ZC3H12C: variants seen among roughly 807,000 people sequenced by gnomAD.
The protein encoded by ZC3H12C is zinc finger CCCH-type containing 12C.
A neutral mutation model predicts 76.3 loss-of-function variants in ZC3H12C; 20 were observed. The observed-to-expected ratio is 0.26, with a 90% CI of 0.18 to 0.38. ZC3H12C has a LOEUF of 0.38. ZC3H12C is among the 10% of genes least tolerant of loss of function. ZC3H12C has a pLI of 1.00. For synonymous variants in ZC3H12C, 352 were observed against 399.6 expected (o/e 0.88, Z 1.42); for missense variants, 874 against 1,086.5 (o/e 0.80, Z 2.75).
At chr11:110,122,893 T>G (rs968031744) in intron 1 of ZC3H12C, among the ~76,000 whole-genome samples, 6 of 152,182 alleles carry the variant, frequency 3.9e-5, no homozygotes, top group African/African-American at 1.4e-4. Context: ...ATACTACATT[T>G]TTTCATTTCT....
chr11:110,130,784 T>G (rs927259887), intron 1 of ZC3H12C, among the ~76,000 whole-genome samples: 4 of 152,318 alleles, frequency 2.6e-5, no homozygotes, highest in African/African-American at 9.6e-5. Flanking sequence ...GGCCTATTGT[T>G]GCTGCACACC....
chr11:110,145,774 G>A (rs962789737), intron 2 of ZC3H12C, among the ~76,000 whole-genome samples: 2 of 152,068 alleles, frequency 1.3e-5, no homozygotes, highest in African/African-American at 4.8e-5. Context: ...ACCAGCTCAA[G>A]TGCCCTGTCT....
intron 2 of ZC3H12C, among the ~76,000 whole-genome samples, chr11:110,142,976 T>C (rs1247706351): frequency 6.6e-6 from 1 of 152,162 alleles, no homozygotes; most frequent in Non-Finnish European, 1.5e-5. Flanking sequence ...AGTTTTCTGG[T>C]GGTATGTTTA....
chr11:110,136,596 A>G, intron 1 of ZC3H12C, 67 bp from the exon 2 acceptor site: 2 of 1,513,988 alleles, frequency 1.3e-6, no homozygotes, highest in Non-Finnish European at 8.9e-7. Context: ...TTCTCTTCTG[A>G]CTTCTCCATT....
rs545649693 is a variant in ZC3H12C at position 110,101,978 on chromosome 11, G to GA, written c.21+8553dup. 3.6e-3 allele frequency among the ~76,000 whole-genome samples: 553 copies of GA among 151,738 alleles called. 5 individuals carry two copies. Among genetic ancestry groups the GA allele is most frequent in the African/African-American group, 0.012 (515 of 41,350 alleles). Reference sequence around the variant, plus strand: ...GCCCACTGTTGAGACTTACTGCTCAGAAAAAAAGATTCCCTTCAAAATATG... The same window carrying GA: ...GCCCACTGTTGAGACTTACTGCTCAGAAAAAAAAGATTCCCTTCAAAATATG... On this transcript the variant is annotated intron_variant, in intron 1 of 5. Coordinates refer to ENST00000278590, the MANE Select transcript of ZC3H12C (RefSeq NM_033390.2).
At chr11:110,103,269 T>C (rs1386234880) in intron 1 of ZC3H12C, among the ~76,000 whole-genome samples, 1 of 152,250 alleles carries the variant, frequency 6.6e-6, no homozygotes, top group Non-Finnish European at 1.5e-5. Flanking sequence ...TATTTACTTC[T>C]CTTAGTAAAA....
At chr11:110,119,194 G>A (rs1446394343) in intron 1 of ZC3H12C, among the ~76,000 whole-genome samples, 1 of 152,158 alleles carries the variant, frequency 6.6e-6, no homozygotes, top group Admixed American at 6.5e-5. Context: ...GTAAGCCCAA[G>A]TTGATAAGAT....
At chr11:110,103,696 C>G (rs940705966) in intron 1 of ZC3H12C, among the ~76,000 whole-genome samples, 1 of 151,652 alleles carries the variant, frequency 6.6e-6, no homozygotes, top group African/African-American at 2.4e-5. Context: ...AGCTCCGCCT[C>G]TCGGGTTCAT....
intron 1 of ZC3H12C, 33 bp from the exon 2 acceptor site, chr11:110,136,628 CTA>C (rs1565259928): frequency 6.3e-7 from 1 of 1,582,560 alleles, no homozygotes; most frequent in South Asian, 1.2e-5. Flanking sequence ...CTAGCCATAA[CTA>C]TGAAATTCTA....
At chr11:110,154,132 G>T (rs1862328640) in intron 3 of ZC3H12C, among the ~76,000 whole-genome samples, 1 of 151,752 alleles carries the variant, frequency 6.6e-6, no homozygotes, top group Non-Finnish European at 1.5e-5. Flanking sequence ...AGAACTTTGG[G>T]AGGCCGAGGC....
intron 2 of ZC3H12C, among the ~76,000 whole-genome samples, chr11:110,141,640 T>C (rs1326428333): frequency 6.6e-6 from 1 of 152,182 alleles, no homozygotes; most frequent in Non-Finnish European, 1.5e-5. Flanking sequence ...ATTGCCGGAA[T>C]TCATACAAAT....
rs1163990721 is a variant in ZC3H12C at position 110,165,161 on chromosome 11, C to T, written c.2076C>T (p.His692=). ...DPLTRGQSYS[H]EEPKFHHKPP... ...TAACCAGAGGGCAAAGTTACAGTCA[C>T]GAAGAACCAAAGTTCCATCACAAGC... is the stretch of plus-strand genomic sequence containing the variant. The change falls in exon 6 of 6, where the codon CAC becomes CAT. Residue 692 remains histidine (H), a synonymous_variant. Coordinates refer to ENST00000278590, the MANE Select transcript of ZC3H12C (RefSeq NM_033390.2). 1.2e-6 allele frequency: 2 copies of T among 1,613,850 alleles called. No homozygotes were observed. Among genetic ancestry groups the T allele is most frequent in the African/African-American group, 1.3e-5 (1 of 75,040 alleles).
chr11:110,163,294 T>C lies in ZC3H12C; in HGVS notation c.1170T>C (p.Pro390=), dbSNP rs1214982650. The C allele has an allele frequency of 6.2e-7, 1 of 1,612,982 alleles. No individual in the cohort carries two copies. Among genetic ancestry groups the C allele is most frequent in the Non-Finnish European group, 8.5e-7 (1 of 1,179,558 alleles). ...VNDKFMPPDD[P]LGRHGPSLDN... is the part of the protein sequence containing the mutation. The stretch of plus-strand genomic sequence containing the variant: ...ACAGGTTCATGCCCCCTGATGACCC[T>C]CTTGGCAGACATGGCCCCAGTCTGG... Residue 390 remains proline, a synonymous_variant, in exon 5 of 6, where the codon CCT becomes CCC. Transcript: ENST00000278590.
At chr11:110,118,586 C>A (rs1861602433) in intron 1 of ZC3H12C, among the ~76,000 whole-genome samples, 1 of 152,144 alleles carries the variant, frequency 6.6e-6, no homozygotes, top group Non-Finnish European at 1.5e-5. Flanking sequence ...CACCTGAGGT[C>A]AGGAGTTTGA....
At chr11:110,115,204 T>C (rs1013202750) in intron 1 of ZC3H12C, among the ~76,000 whole-genome samples, 34 of 152,276 alleles carry the variant, frequency 2.2e-4, no homozygotes, top group African/African-American at 8.2e-4. Context: ...ACTCCTGGGC[T>C]CAAGCGATCC....
intron 1 of ZC3H12C, among the ~76,000 whole-genome samples, chr11:110,097,638 T>C (rs942711307): frequency 2.0e-5 from 3 of 152,198 alleles, no homozygotes; most frequent in African/African-American, 7.2e-5. Flanking sequence ...CGAACCACAA[T>C]GTGGTCAAAT....
chr11:110,152,858 G>C (rs1289296637), intron 2 of ZC3H12C, 61 bp from the exon 3 acceptor site: 9 of 1,540,562 alleles, frequency 5.8e-6, no homozygotes, highest in Non-Finnish European at 7.9e-6. Flanking sequence ...TTATAAACTT[G>C]AATTAATTTA....
intron 4 of ZC3H12C, among the ~76,000 whole-genome samples, chr11:110,160,009 C>T (rs1188683054): frequency 6.6e-6 from 1 of 152,248 alleles, no homozygotes; most frequent in Non-Finnish European, 1.5e-5. Context: ...CTGTTGCTTC[C>T]AGGCTACCAA....
chr11:110,167,386 T>A lies in ZC3H12C; in HGVS notation c.*1649T>A, dbSNP rs1172871891. The stretch of plus-strand genomic sequence containing the variant: ...ATTTTATCCCTTATTTAAATACAAA[T>A]TTTTAAAGTAAAATTGAGGTCTAGA... On this transcript the variant is annotated 3_prime_UTR_variant, in exon 6 of 6. Coordinates refer to ENST00000278590, the MANE Select transcript of ZC3H12C (RefSeq NM_033390.2). The A allele has an allele frequency of 6.6e-6, 1 of 152,194 alleles. No homozygotes were observed. Among genetic ancestry groups the A allele is most frequent in the East Asian group, 1.9e-4 (1 of 5,206 alleles). 9.4% of individuals were successfully genotyped at this position (152,194 alleles called of 1,614,324 possible). A position where few individuals can be genotyped will look rare whatever the true frequency, so the allele number is the denominator to read the frequency against.
Sources: gnomAD v4.1 joint callset for allele counts (sites outside exome capture counted in the v4.1 genomes callset) on GRCh38, gnomAD v4.1.1 for gene constraint, MANE v1.5 for transcripts, NCBI Gene and HGNC (gene_info 2026-07-23, HGNC 2026-07-21) for gene names.